TAF8: variants seen among roughly 807,000 people sequenced by gnomAD.
TAF8 encodes the protein transcription initiation factor TFIID subunit 8.
TAF8 carries 47 observed loss-of-function variants against 36.5 expected under a neutral mutation model. The observed-to-expected ratio is 1.29, with a 90% CI of 1.02 to 1.64. TAF8 has a LOEUF of 1.64. TAF8 is among the 40% of genes most tolerant of loss of function. TAF8 has a pLI of 0.00. For synonymous variants in TAF8, 175 were observed against 159.5 expected (o/e 1.10, Z -0.73); for missense variants, 420 against 407.6 (o/e 1.03, Z -0.26).
At position 42,077,123 on chromosome 6, in the gene TAF8, G is replaced by A. The variant is rs1765774022; in HGVS notation, c.804G>A (p.Glu268=). The change falls in exon 8 of 9, where the codon GAG becomes GAA. Residue 268 remains glutamate (E), a synonymous_variant. Transcript: ENST00000372977. ...AGGAGGATTCTGGAGCCGAGAAGGA[G>A]AACACCTCTGTCCTGCAGCAGAACC... ...ISMEDSGAEK[E]NTSVLQQNPS... 1 of 1,613,634 alleles carries A rather than the reference G, an allele frequency of 6.2e-7. No homozygotes were observed. Among genetic ancestry groups the A allele is most frequent in the Non-Finnish European group, 8.5e-7 (1 of 1,179,682 alleles).
chr6:42,050,601 C>A lies in TAF8; in HGVS notation c.45+15C>A, dbSNP rs532873638. On this transcript the variant is annotated intron_variant, in intron 1 of 8. Coordinates refer to ENST00000372977, the MANE Select transcript of TAF8 (RefSeq NM_138572.3). ...GCTCCGGAACGGTAAGGGCAGGAAG[C>A]GCGGGCTCGGAGCCGAGAGAGTTTG... 6 of 1,546,536 alleles carry A rather than the reference C, an allele frequency of 3.9e-6. No homozygotes were observed. In the East Asian group the frequency reaches 1.5e-4, roughly 37 times the overall value.
intron 5 of TAF8, 87 bp downstream of exon 5, chr6:42,057,600 A>G: frequency 1.3e-6 from 2 of 1,546,416 alleles, no homozygotes; most frequent in Non-Finnish European, 1.8e-6. Context: ...CCAGTCCAAA[A>G]GCTTGTTGAT....
rs1765900302 is a variant in TAF8, at chr6:42,080,840, C to T, written c.*3295C>T. 1.1e-5 allele frequency: 11 copies of T among 978,522 alleles called. No individual in the cohort carries two copies. In the South Asian group the frequency reaches 4.3e-4, roughly 38 times the overall value. 60.6% of individuals were successfully genotyped at this position (978,522 alleles called of 1,614,324 possible). ...CTTCTTAGAGGCCAAAAGTAGTAAACATGCAGATTAAAAATGTTTATGAAA... is the reference window on the plus strand; with the variant it reads ...CTTCTTAGAGGCCAAAAGTAGTAAATATGCAGATTAAAAATGTTTATGAAA... On this transcript the variant is annotated 3_prime_UTR_variant, in exon 9 of 9. Transcript: ENST00000372977.
chr6:42,063,795 T>G (rs1765264134), intron 5 of TAF8: 1 of 152,196 alleles, frequency 6.6e-6, no homozygotes. Context: ...TCTCGCTCTG[T>G]TGCCCAGGCT....
At chr6:42,073,560 A>G (rs1765653245) in intron 7 of TAF8, among the ~76,000 whole-genome samples, 1 of 152,036 alleles carries the variant, frequency 6.6e-6, no homozygotes. Context: ...TGAGAAGGGG[A>G]TATCTGAGCA....
At position 42,079,667 on chromosome 6, in the gene TAF8, A is replaced by C; in HGVS notation, c.*2122A>C. 1.3e-6 allele frequency: 1 copy of C among 777,684 alleles called. No individual in the cohort carries two copies. Among genetic ancestry groups the C allele is most frequent in the Non-Finnish European group, 1.6e-6 (1 of 641,146 alleles). The allele number at this position is 777,684 out of a possible 1,614,324, so 48.2% of individuals were successfully genotyped here. A position where few individuals can be genotyped will look rare whatever the true frequency, so the allele number is the denominator to read the frequency against. ...AACCTCCACTCCCCGGGTTCAAGCA[A>C]TTCTCAGAGTAGCTGGGATTACAGA... On this transcript the variant is annotated 3_prime_UTR_variant, in exon 9 of 9. Transcript: ENST00000372977.
intron 2 of TAF8, among the ~76,000 whole-genome samples, chr6:42,054,682 C>T (rs1434370943): frequency 2.0e-5 from 3 of 148,736 alleles, no homozygotes; most frequent in Non-Finnish European, 4.4e-5. Flanking sequence ...CATCTCGGCT[C>T]ACTGCAACCA....
rs771197006 is a variant in TAF8, at chr6:42,079,587, G to C, written c.*2042G>C. 12 of 984,130 alleles carry C rather than the reference G, an allele frequency of 1.2e-5. No individual in the cohort carries two copies. Among genetic ancestry groups the C allele is most frequent in the Non-Finnish European group, 1.3e-5 (11 of 828,818 alleles). 61.0% of individuals were successfully genotyped at this position (984,130 alleles called of 1,614,324 possible). ...GTTCAACTCCTTTTATTTTGAGACA[G>C]GGTCTCGCTGTGTCGCCCCAGCTGG... On this transcript the variant is annotated 3_prime_UTR_variant, in exon 9 of 9. Coordinates refer to ENST00000372977, the MANE Select transcript of TAF8 (RefSeq NM_138572.3).
At chr6:42,084,797 A>G (rs573643926), downstream of TAF8, among the ~76,000 whole-genome samples, 1 of 152,310 alleles carries the variant, frequency 6.6e-6, no homozygotes, top group Non-Finnish European at 1.5e-5. Context: ...TTTGCTGTTT[A>G]AAAGAAGAGG....
Position 42,079,852 on chromosome 6 carries a change from C to T in TAF8, c.*2307C>T, listed in dbSNP as rs560654647. On this transcript the variant is annotated 3_prime_UTR_variant, in exon 9 of 9. Transcript: ENST00000372977. ...TACAGGCGTGAGCCACGGTGCCCAG[C>T]CCATCTCTTAGTCTTCCATTCCCTT... 9.1e-6 allele frequency: 9 copies of T among 985,302 alleles called. No individual in the cohort carries two copies. In the East Asian group the frequency reaches 1.0e-3, roughly 112 times the overall value. 61.0% of individuals were successfully genotyped at this position (985,302 alleles called of 1,614,324 possible). A position where few individuals can be genotyped will look rare whatever the true frequency, so the allele number is the denominator to read the frequency against.
Sources: allele counts gnomAD v4.1 joint callset (sites outside exome capture counted in the v4.1 genomes callset), GRCh38; gene constraint gnomAD v4.1.1; transcripts MANE v1.5; gene names NCBI Gene and HGNC (gene_info 2026-07-23, HGNC 2026-07-21).